Variants in NELFA observed in about 807,000 individuals in gnomAD.
The protein encoded by NELFA is negative elongation factor complex member A.
NELFA carries 35 observed loss-of-function variants against 51.8 expected under a neutral mutation model. The ratio of observed to expected loss-of-function variants is 0.68; its 90% CI spans 0.52 to 0.90. The LOEUF (loss-of-function observed/expected upper bound fraction) is 0.90. NELFA is among the 40% of genes least tolerant of loss of function. The pLI, the probability that NELFA is intolerant of heterozygous loss-of-function variation, is 0.00. For missense variants in NELFA, 658 were observed against 746.4 expected (o/e 0.88, Z 1.38); for synonymous variants, 417 against 338.4 (o/e 1.23, Z -2.55).
At chr4:1,998,335 T>C (rs1414159003) in intron 1 of NELFA, among the ~76,000 whole-genome samples, 1 of 141,134 alleles carries the variant, frequency 7.1e-6, no homozygotes, top group South Asian at 2.2e-4. Flanking sequence ...AGATGGGTAA[T>C]AAAAAAAAAA....
chr4:1,983,411 T>C lies in NELFA; in HGVS notation c.1495A>G (p.Thr499Ala), dbSNP rs1334280961. ...TCAAACACTGTGTCCACCAGCATGGTTGTGCTACCCTGGCCGTCCGCCTTG... is the reference window on the plus strand; with the variant it reads ...TCAAACACTGTGTCCACCAGCATGGCTGTGCTACCCTGGCCGTCCGCCTTG... ...LPKADGQGST[T>A]MLVDTVFEMN... is the part of the protein sequence containing the mutation. Residue 499 changes from threonine to alanine, a missense_variant, in exon 11 of 11, where the codon ACC (threonine) becomes GCC (alanine). Coordinates refer to ENST00000382882, the MANE Select transcript of NELFA (RefSeq NM_005663.5). 2.5e-6 allele frequency: 4 copies of C among 1,614,180 alleles called. No homozygotes were observed. Among genetic ancestry groups the C allele is most frequent in the Admixed American group, 3.3e-5 (2 of 60,026 alleles).
At chr4:2,003,593 C>G (rs893614036) in intron 1 of NELFA, among the ~76,000 whole-genome samples, 1 of 152,150 alleles carries the variant, frequency 6.6e-6, no homozygotes, top group Non-Finnish European at 1.5e-5. Flanking sequence ...ATGGATGAAG[C>G]TGGAAGCCAT....
intron 2 of NELFA, 182 bp from the exon 3 acceptor site, chr4:1,990,051 T>G (rs943990174): frequency 1.5e-5 from 10 of 659,302 alleles, no homozygotes; most frequent in Middle Eastern, 4.2e-4. Flanking sequence ...CCAGGAGCAT[T>G]TGCAGAACAG....
intron 7 of NELFA, 73 bp from the exon 8 acceptor site, chr4:1,984,992 C>T (rs962612305): frequency 1.2e-5 from 13 of 1,093,664 alleles, no homozygotes; most frequent in African/African-American, 4.7e-5. Context: ...TGGCCCGACC[C>T]GGAGCTCCAC....
rs771116085 is a variant in NELFA at position 1,983,953 on chromosome 4, TGTG to T, written c.1194_1196del (p.Thr399del). ...GAGTGGTAGGGGCGACAGCCGGAGGTGTGGTGGGTGTCAGAGGCGAGGTGGGCG... is the reference window on the plus strand; with the variant it reads ...GAGTGGTAGGGGCGACAGCCGGAGGTGTGGGTGTCAGAGGCGAGGTGGGCG... On this transcript the variant is annotated inframe_deletion, in exon 9 of 11. Transcript: ENST00000382882. 2.6e-5 allele frequency: 42 copies of T among 1,610,828 alleles called. No homozygotes were observed. Among genetic ancestry groups the T allele is most frequent in the South Asian group, 3.3e-5 (3 of 90,870 alleles).
In NELFA at chr4:1,989,984, G is replaced by T; in HGVS notation, c.383-115C>A. ...CCTCAGTTAGGGTTAGGTCATGGGA[G>T]CTTCGGCTGTCCCCTGAGGTCCTCG... On this transcript the variant is annotated intron_variant, in intron 2 of 10. Coordinates refer to ENST00000382882, the MANE Select transcript of NELFA (RefSeq NM_005663.5). This position sits in a 1 kb window ranked among gnomAD's most constrained non-coding sequence, Gnocchi z 4.8. 2.3e-6 allele frequency: 3 copies of T among 1,280,748 alleles called. No individual in the cohort carries two copies. Among genetic ancestry groups the T allele is most frequent in the Non-Finnish European group, 3.2e-6 (3 of 931,852 alleles). 79.3% of individuals were successfully genotyped at this position (1,280,748 alleles called of 1,614,324 possible). A position where few individuals can be genotyped will look rare whatever the true frequency, so the allele number is the denominator to read the frequency against.
intron 1 of NELFA, among the ~76,000 whole-genome samples, chr4:2,001,259 C>T (rs1728559461): frequency 6.6e-6 from 1 of 152,188 alleles, no homozygotes. Flanking sequence ...TCCTCTCTCA[C>T]CACTCCTATT....
intron 1 of NELFA, among the ~76,000 whole-genome samples, chr4:1,996,976 T>C (rs1728444149): frequency 6.6e-6 from 1 of 152,026 alleles, no homozygotes; most frequent in African/African-American, 2.4e-5. Context: ...TAGGCAGGTA[T>C]GGTGGTGCAT....
intron 1 of NELFA, among the ~76,000 whole-genome samples, chr4:2,001,928 C>T (rs231198): frequency 0.26 from 38,948 of 147,812 alleles, 5,174 homozygotes; most frequent in Middle Eastern, 0.31. Context: ...AGGCCAGGCA[C>T]GGTGGCTCAT....
At chr4:2,007,741 G>A (rs996946183) in intron 1 of NELFA, among the ~76,000 whole-genome samples, 1 of 152,240 alleles carries the variant, frequency 6.6e-6, no homozygotes, top group Non-Finnish European at 1.5e-5. Context: ...GATCACAGGA[G>A]TGGCTCGCGA....
intron 1 of NELFA, chr4:2,007,141 A>T (rs748341090): frequency 2.3e-6 from 1 of 434,748 alleles, no homozygotes; most frequent in South Asian, 1.6e-5. Flanking sequence ...GAGGAGGTCA[A>T]GGCTGCAGTG....
intron 7 of NELFA, 53 bp from the exon 8 acceptor site, chr4:1,984,972 T>C: frequency 1.5e-6 from 2 of 1,339,854 alleles, no homozygotes; most frequent in Non-Finnish European, 1.0e-6. Context: ...TTCCGGCATG[T>C]GCTAACACAT....
At chr4:1,986,470 A>AACGTCCCACCCTCTTCT in intron 4 of NELFA, 68 bp from the exon 5 acceptor site, 1 of 1,607,630 alleles carries the variant, frequency 6.2e-7, no homozygotes, top group Non-Finnish European at 8.5e-7. Context: ...CCGAGCTCAG[A>AACGTCCCACCCTCTTCT]ACGTCCCACC....
intron 1 of NELFA, among the ~76,000 whole-genome samples, chr4:1,998,096 T>C (rs1047119835): frequency 7.5e-6 from 1 of 133,746 alleles, no homozygotes; most frequent in Non-Finnish European, 1.6e-5. Flanking sequence ...GACAACAGCA[T>C]CAACAACAAC....
chr4:1,989,931 A>C lies in NELFA; in HGVS notation c.383-62T>G. On this transcript the variant is annotated intron_variant, in intron 2 of 10. Coordinates refer to ENST00000382882, the MANE Select transcript of NELFA (RefSeq NM_005663.5). This position sits in a 1 kb window ranked among gnomAD's most constrained non-coding sequence, Gnocchi z 4.8. ...GGCCGCAGACCTCCCGGCTGAGAGG[A>C]GCTGGCGGCTGCCCAGCCCCACACC... 7 of 1,567,154 alleles carry C rather than the reference A, an allele frequency of 4.5e-6. No individual in the cohort carries two copies. The highest frequency in any genetic ancestry group is 3.6e-5 in the South Asian group (3 of 84,154).
chr4:1,985,954 G>A, intron 6 of NELFA, 90 bp from the exon 7 acceptor site: 16 of 1,359,860 alleles, frequency 1.2e-5, no homozygotes, highest in Non-Finnish European at 1.5e-5. Flanking sequence ...AGCTTCCCAG[G>A]GGAGGCCACC....
chr4:2,008,914 T>G lies in NELFA; in HGVS notation c.46A>C (p.Lys16Gln), dbSNP rs1335312979. ...CACAGCTCGTCCGTGGCCCCCAGCT[T>G]GTTGTGCAGCCACAGGCCCGTGTCG... The part of the protein sequence containing the change: ...ESDTGLWLHN[K>Q]LGATDELWAP... Residue 16 changes from lysine to glutamine, a missense_variant, in exon 1 of 11, where the codon AAG becomes CAG. Lys to Gln is a moderately conservative substitution (Grantham distance 53). Around this residue, in one of 3 missense-constraint regions of NELFA, gnomAD observed 371 missense variants for 448.3 expected, o/e 0.83. Transcript: ENST00000382882. The G allele has an allele frequency of 6.3e-7, 1 of 1,579,924 alleles. No individual in the cohort carries two copies. The highest frequency in any genetic ancestry group is 8.6e-7 in the Non-Finnish European group (1 of 1,163,822).
chr4:2,003,073 G>A (rs531247388), intron 1 of NELFA, among the ~76,000 whole-genome samples: 13 of 152,130 alleles, frequency 8.5e-5, no homozygotes, highest in Non-Finnish European at 1.0e-4. Context: ...GGCAAAGGAG[G>A]TGAACAGATA....
At chr4:1,988,595 G>A (rs577272291) in intron 3 of NELFA, among the ~76,000 whole-genome samples, 2 of 152,242 alleles carry the variant, frequency 1.3e-5, no homozygotes, top group Non-Finnish European at 2.9e-5. Context: ...GCTGCTGCCC[G>A]TTCCAGCCAA....
Sources: allele counts gnomAD v4.1 joint callset (sites outside exome capture counted in the v4.1 genomes callset), GRCh38; gene constraint gnomAD v4.1.1; regional missense constraint gnomAD v4.1.1; non-coding constraint Gnocchi (gnomAD v3.1); transcripts MANE v1.5; gene names NCBI Gene and HGNC (gene_info 2026-07-23, HGNC 2026-07-21).